The following FNDC1 variants were observed in gnomAD, a reference collection of about 807,000 sequenced individuals.
FNDC1 encodes the protein fibronectin type III domain containing 1, also known as fibronectin type III domain-containing protein 1.
Under a neutral mutation model 168.0 loss-of-function variants are expected in FNDC1, and 96 were observed. That is an observed-to-expected ratio of 0.57 (90% CI 0.48 to 0.68). The LOEUF (loss-of-function observed/expected upper bound fraction) is 0.68, where lower values mean the gene tolerates loss of function less well. FNDC1 is among the 30% of genes least tolerant of loss of function. FNDC1 has a pLI of 0.00. For synonymous variants in FNDC1, 1,099 were observed against 1,025.9 expected (o/e 1.07, Z -1.36); for missense variants, 2,587 against 2,482.1 (o/e 1.04, Z -0.90).
chr6:159,238,240 A>G (rs1453764609), intron 12 of FNDC1, among the ~76,000 whole-genome samples: 1 of 151,648 alleles, frequency 6.6e-6, no homozygotes, highest in African/African-American at 2.4e-5. Context: ...TGGGACTACA[A>G]GCGCCCGCCA....
Position 159,232,170 on chromosome 6 carries a change from C to G in FNDC1, c.1658C>G (p.Pro553Arg). ...GAGCTGGGTTCCCGGGAGGACTCGC[C>G]CATGTCACCCTCAGACACCCAAGAC... ...EEELGSREDS[P>R]MSPSDTQDQK... is the part of the protein sequence containing the mutation. The change falls in exon 11 of 23, where the codon CCC becomes CGC. Residue 553 changes from proline (P) to arginine (R), a missense_variant. Physicochemically the swap from Pro to Arg is moderately radical, Grantham distance 103. Transcript: ENST00000297267. This position sits in a 1 kb window ranked among gnomAD's most constrained non-coding sequence, Gnocchi z 4.9. 1 of 1,613,846 alleles carries G rather than the reference C, an allele frequency of 6.2e-7. No homozygotes were observed.
In FNDC1 at chr6:159,232,557, G is replaced by A. The variant is rs1384956388; in HGVS notation, c.2045G>A (p.Arg682His). 5.6e-6 allele frequency: 9 copies of A among 1,611,706 alleles called. No homozygotes were observed. The highest frequency in any genetic ancestry group is 5.9e-6 in the Non-Finnish European group (7 of 1,178,906). ...PSRQSPSSVL[R>H]DRSSVHPGAK... is the part of the protein sequence containing the mutation. Reference sequence around the variant, plus strand: ...CGCCAGTCCCCGTCCAGCGTTCTCCGCGACAGAAGCTCTGTGCACCCCGGC... The same window carrying A: ...CGCCAGTCCCCGTCCAGCGTTCTCCACGACAGAAGCTCTGTGCACCCCGGC... The change falls in exon 11 of 23, where the codon CGC becomes CAC. Residue 682 changes from arginine to histidine, a missense_variant. Arg to His is a conservative substitution (Grantham distance 29). Transcript: ENST00000297267. The surrounding 1 kb of genome is among the most constrained non-coding windows in gnomAD (Gnocchi z 4.9).
intron 13 of FNDC1, among the ~76,000 whole-genome samples, 195 bp from the exon 14 acceptor site, chr6:159,239,320 AGT>A (rs1783346078): frequency 6.6e-6 from 1 of 152,200 alleles, no homozygotes; most frequent in Non-Finnish European, 1.5e-5. Flanking sequence ...GGCAAAGGAA[AGT>A]ATTTCTTCCT....
In FNDC1 at chr6:159,234,188, C is replaced by A. The variant is rs200627143; in HGVS notation, c.3676C>A (p.Pro1226Thr). ...DGSLAKEERE[P>T]AIALAPRGGS... ...GAGCCTCGCCAAGGAAGAGAGGGAG[C>A]CTGCCATCGCGCTTGCCCCTCGCGG... is the stretch of plus-strand genomic sequence containing the variant. Residue 1226 changes from proline to threonine, a missense_variant, in exon 11 of 23, where the codon CCT (proline) becomes ACT (threonine). Transcript: ENST00000297267. 5.0e-6 allele frequency: 8 copies of A among 1,598,638 alleles called. No individual in the cohort carries two copies. Among genetic ancestry groups the A allele is most frequent in the Non-Finnish European group, 6.0e-6 (7 of 1,172,708 alleles).
chr6:159,193,234 T>A (rs1439497736), intron 1 of FNDC1, among the ~76,000 whole-genome samples: 1 of 152,130 alleles, frequency 6.6e-6, no homozygotes, highest in Non-Finnish European at 1.5e-5. Flanking sequence ...TAGAAAAAAA[T>A]CCCAGAATGT....
intron 8 of FNDC1, among the ~76,000 whole-genome samples, chr6:159,226,057 A>G (rs760776141): frequency 7.9e-5 from 12 of 152,338 alleles, no homozygotes; most frequent in Admixed American, 2.0e-4. Context: ...TCTTGCATGT[A>G]GGAGAGCCTC....
chr6:159,217,634 G>A (rs1269192200), intron 5 of FNDC1, among the ~76,000 whole-genome samples: 1 of 152,164 alleles, frequency 6.6e-6, no homozygotes, highest in Non-Finnish European at 1.5e-5. Flanking sequence ...CTGCTGCCTG[G>A]TGGGTGTTCC....
In FNDC1 at chr6:159,226,569, G is replaced by A. The variant is rs772085829; in HGVS notation, c.1169G>A (p.Gly390Glu). The change falls in exon 9 of 23, where the codon GGG becomes GAG. Residue 390 changes from glycine (G) to glutamate (E), a missense_variant. Transcript: ENST00000297267. ...TGGGATGCGCTACCAGAGACTGAGGGGAAAGTGAAAGGTAGGAATCTCACT... is the reference window on the plus strand; with the variant it reads ...TGGGATGCGCTACCAGAGACTGAGGAGAAAGTGAAAGGTAGGAATCTCACT... ...ASWDALPETE[G>E]KVKEYILSYA... 5 of 1,604,274 alleles carry A rather than the reference G, an allele frequency of 3.1e-6. No homozygotes were observed. In the African/African-American group the frequency reaches 6.7e-5, roughly 21 times the overall value.
At chr6:159,188,568 C>T (rs1000841529) in intron 1 of FNDC1, among the ~76,000 whole-genome samples, 14 of 149,678 alleles carry the variant, frequency 9.4e-5, no homozygotes, top group Non-Finnish European at 1.5e-4. Context: ...TTAGTAGAGA[C>T]GGGGTTTCAC....
intron 19 of FNDC1, among the ~76,000 whole-genome samples, chr6:159,264,180 G>C (rs1777547784): frequency 6.6e-6 from 1 of 152,216 alleles, no homozygotes; most frequent in South Asian, 2.1e-4. Context: ...TCAAGATAGT[G>C]AGCATATCCA....
chr6:159,236,653 C>G (rs1014126892), intron 12 of FNDC1, among the ~76,000 whole-genome samples: 2 of 152,186 alleles, frequency 1.3e-5, no homozygotes, highest in Admixed American at 6.5e-5. Context: ...TTTTCCCTGT[C>G]CTGGTAGCTT....
intron 1 of FNDC1, 86 bp from the exon 2 acceptor site, chr6:159,197,345 T>G: frequency 7.9e-7 from 1 of 1,265,070 alleles, no homozygotes; most frequent in East Asian, 2.3e-5. Flanking sequence ...CATTTACTGT[T>G]TTCCTAACAA....
At chr6:159,219,102 G>A (rs559259696) in intron 5 of FNDC1, among the ~76,000 whole-genome samples, 5 of 151,400 alleles carry the variant, frequency 3.3e-5, no homozygotes, top group Admixed American at 1.3e-4. Context: ...GTGCAGTGGC[G>A]TAATCTCAGC....
intron 9 of FNDC1, among the ~76,000 whole-genome samples, chr6:159,229,077 A>G (rs934691080): frequency 3.3e-5 from 5 of 152,178 alleles, no homozygotes; most frequent in Non-Finnish European, 7.3e-5. Context: ...TTAAAATATT[A>G]TTCCCTTATG....
intron 19 of FNDC1, among the ~76,000 whole-genome samples, chr6:159,262,747 A>G (rs915826547): frequency 2.0e-5 from 3 of 152,182 alleles, no homozygotes; most frequent in African/African-American, 7.2e-5. Flanking sequence ...AAAAACTCCT[A>G]ACTCATTCTT....
intron 1 of FNDC1, among the ~76,000 whole-genome samples, chr6:159,178,948 C>G (rs1781825228): frequency 6.6e-6 from 1 of 152,174 alleles, no homozygotes. Flanking sequence ...TGTCACAGAA[C>G]CTTCCAATAG....
Position 159,226,458 on chromosome 6 carries a change from C to T in FNDC1, c.1073-15C>T. ...TAAGGCATTTAAAAATGTTTCTTTCCTTGTCATTTTGTAGCCCCTACCACA... is the reference window on the plus strand; with the variant it reads ...TAAGGCATTTAAAAATGTTTCTTTCTTTGTCATTTTGTAGCCCCTACCACA... On this transcript the variant is annotated splice_polypyrimidine_tract_variant and intron_variant, in intron 8 of 22. Transcript: ENST00000297267. 1 of 1,598,614 alleles carries T rather than the reference C, an allele frequency of 6.3e-7. No individual in the cohort carries two copies. Among genetic ancestry groups the T allele is most frequent in the South Asian group, 1.1e-5 (1 of 88,798 alleles).
chr6:159,239,454 T>G, intron 13 of FNDC1, 63 bp from the exon 14 acceptor site: 1 of 1,406,366 alleles, frequency 7.1e-7, no homozygotes, highest in Non-Finnish European at 9.5e-7. Flanking sequence ...ACTTATTGCT[T>G]GCTTTTTATT....
In FNDC1 at chr6:159,269,589, GTCTGTCTGTCTATCTATCTATCTATCTA is replaced by G. The variant is rs1338874574; in HGVS notation, c.5569+1667_5569+1694del. 3.1e-3 allele frequency among the ~76,000 whole-genome samples: 308 copies of G among 100,840 alleles called. 2 individuals carry two copies. Among genetic ancestry groups the G allele is most frequent in the African/African-American group, 0.013 (292 of 22,110 alleles). The allele number at this position is 100,840 out of a possible 152,430, so 66.2% of individuals were successfully genotyped here. Reference sequence around the variant, plus strand: ...ATCCATCTATCCTATCTGTCTGTCTGTCTGTCTGTCTATCTATCTATCTATCTATCTATCTATCTATCTATCTATCTAT... The same window carrying G: ...ATCCATCTATCCTATCTGTCTGTCTGTCTATCTATCTATCTATCTATCTAT... On this transcript the variant is annotated intron_variant, in intron 22 of 22. Coordinates refer to ENST00000297267, the MANE Select transcript of FNDC1 (RefSeq NM_032532.3).
Sources: allele counts gnomAD v4.1 joint callset (sites outside exome capture counted in the v4.1 genomes callset), GRCh38; gene constraint gnomAD v4.1.1; non-coding constraint Gnocchi (gnomAD v3.1); transcripts MANE v1.5; gene names NCBI Gene and HGNC (gene_info 2026-07-23, HGNC 2026-07-21).